The following EXT1 variants were observed in gnomAD, a reference collection of about 807,000 sequenced individuals.
EXT1 encodes the protein exostosin glycosyltransferase 1.
A neutral mutation model predicts 82.5 loss-of-function variants in EXT1; 20 were observed. The observed-to-expected ratio is 0.24, with a 90% CI of 0.17 to 0.35. The LOEUF (loss-of-function observed/expected upper bound fraction) is 0.35, where lower values mean the gene tolerates loss of function less well. EXT1 is among the 10% of genes least tolerant of loss of function. The pLI is 1.00. For synonymous variants in EXT1, 348 were observed against 350.8 expected (o/e 0.99, Z 0.09); for missense variants, 757 against 936.5 (o/e 0.81, Z 2.50).
At chr8:117,864,789 T>C (rs953302131) in intron 1 of EXT1, among the ~76,000 whole-genome samples, 6 of 149,328 alleles carry the variant, frequency 4.0e-5, no homozygotes, top group African/African-American at 1.5e-4. Flanking sequence ...AAAAATCTCA[T>C]AATGCTTCAG....
chr8:118,003,310 C>T (rs1007948428), intron 1 of EXT1, among the ~76,000 whole-genome samples: 1 of 151,938 alleles, frequency 6.6e-6, no homozygotes, highest in East Asian at 1.9e-4. Context: ...TTACACTGCT[C>T]GGATGACGGG....
intron 1 of EXT1, among the ~76,000 whole-genome samples, chr8:118,108,125 C>T (rs2130036670): frequency 6.6e-6 from 1 of 152,306 alleles, no homozygotes; most frequent in South Asian, 2.1e-4. Flanking sequence ...ACCAACCCCT[C>T]CCTTCATTGC....
Position 118,110,172 on chromosome 8 carries a change from A to C in EXT1, c.875T>G (p.Val292Gly). 6.2e-7 allele frequency: 1 copy of C among 1,614,146 alleles called. No homozygotes were observed. The highest frequency in any genetic ancestry group is 8.5e-7 in the Non-Finnish European group (1 of 1,180,012). The part of the protein sequence containing the change: ...ALYHVHNGED[V>G]VLLTTCKHGK... ...ATGCTTGCAGGTGGTGAGGAGCACA[A>C]CGTCCTCCCCGTTATGGACGTGATA... is the stretch of plus-strand genomic sequence containing the variant. Residue 292 changes from valine to glycine, a missense_variant, in exon 1 of 11, where the codon GTT becomes GGT. Around this residue, in one of 4 missense-constraint regions of EXT1, gnomAD observed 247 missense variants for 330.1 expected, o/e 0.75. Coordinates refer to ENST00000378204, the MANE Select transcript of EXT1 (RefSeq NM_000127.3).
chr8:117,881,552 T>C (rs10099089), intron 1 of EXT1, among the ~76,000 whole-genome samples: 3 of 152,048 alleles, frequency 2.0e-5, no homozygotes, highest in Non-Finnish European at 2.9e-5. Context: ...GCAACTTGAG[T>C]CAAGGGGTAA....
intron 10 of EXT1, 66 bp downstream of exon 10, chr8:117,804,656 G>A (rs1823211254): frequency 4.4e-6 from 7 of 1,573,290 alleles, no homozygotes; most frequent in African/African-American, 4.0e-5. Context: ...AGGAACGTGA[G>A]TCCTCATTAC....
At chr8:118,045,517 A>G (rs1816609256) in intron 1 of EXT1, among the ~76,000 whole-genome samples, 1 of 152,116 alleles carries the variant, frequency 6.6e-6, no homozygotes, top group South Asian at 2.1e-4. Flanking sequence ...AACAACATAG[A>G]ATGTGGCACT....
chr8:117,940,235 C>T (rs11562824), intron 1 of EXT1, among the ~76,000 whole-genome samples: 2,600 of 152,262 alleles, frequency 0.017, 68 homozygotes, highest in African/African-American at 0.057. Flanking sequence ...GGCTACCTGC[C>T]CAGGCTGACT....
At chr8:118,018,536 T>C (rs1816044322) in intron 1 of EXT1, among the ~76,000 whole-genome samples, 1 of 152,332 alleles carries the variant, frequency 6.6e-6, no homozygotes, top group Middle Eastern at 3.4e-3. Context: ...GTTTGGGTTA[T>C]TTAATCCACC....
intron 1 of EXT1, among the ~76,000 whole-genome samples, chr8:117,944,386 G>A (rs569909463): frequency 1.4e-4 from 21 of 151,232 alleles, no homozygotes; most frequent in African/African-American, 2.5e-4. Context: ...GCAACAGAGC[G>A]TCTCCAAAAA....
chr8:117,958,990 C>T (rs897230779), intron 1 of EXT1, among the ~76,000 whole-genome samples: 1 of 152,184 alleles, frequency 6.6e-6, no homozygotes, highest in Non-Finnish European at 1.5e-5. Context: ...CTGCACTGAT[C>T]CTAGTTACTT....
intron 1 of EXT1, among the ~76,000 whole-genome samples, chr8:117,914,043 T>G (rs897728943): frequency 2.0e-5 from 3 of 152,136 alleles, no homozygotes; most frequent in Non-Finnish European, 2.9e-5. Context: ...ACTTAACTTC[T>G]AAGGGTAGGG....
intron 4 of EXT1, among the ~76,000 whole-genome samples, chr8:117,823,731 T>C (rs1436051287): frequency 6.6e-6 from 1 of 152,166 alleles, no homozygotes; most frequent in Non-Finnish European, 1.5e-5. Flanking sequence ...ATGTTTATTT[T>C]CCTAATGACA....
intron 7 of EXT1, among the ~76,000 whole-genome samples, chr8:117,817,950 C>T (rs1475642323): frequency 6.6e-6 from 1 of 152,104 alleles, no homozygotes; most frequent in East Asian, 1.9e-4. Context: ...AGGCAGATGC[C>T]AAACAAAATT....
chr8:118,045,238 T>C (rs1816603286), intron 1 of EXT1, among the ~76,000 whole-genome samples: 1 of 152,190 alleles, frequency 6.6e-6, no homozygotes, highest in Non-Finnish European at 1.5e-5. Flanking sequence ...CTCAGGATAT[T>C]AGAAATATTT....
chr8:117,858,746 AAGGAAGGAAGGAAGGAAGGAAGGC>A (rs1432154744), intron 1 of EXT1, among the ~76,000 whole-genome samples: 2 of 59,926 alleles, frequency 3.3e-5, no homozygotes, highest in Admixed American at 1.7e-4. Flanking sequence ...GGAAGGAAGG[AAGGAAGGAAGGAAGGAAGGAAGGC>A]AGGCAGGCAG....
rs1815122961 is a variant in EXT1 at position 117,978,829 on chromosome 8, T to C, written c.962+131256A>G. On this transcript the variant is annotated intron_variant, in intron 1 of 10. Transcript: ENST00000378204. The stretch of plus-strand genomic sequence containing the variant: ...AGTTAACAACTACCTGTGGCGACAG[T>C]GTGCTGTACCACACTGATAATGCCA... 2.0e-5 allele frequency among the ~76,000 whole-genome samples: 3 copies of C among 152,220 alleles called. No homozygotes were observed. In the South Asian group the frequency reaches 6.2e-4, roughly 32 times the overall value.
chr8:117,886,720 G>A (rs1387446079), intron 1 of EXT1, among the ~76,000 whole-genome samples: 2 of 152,250 alleles, frequency 1.3e-5, no homozygotes, highest in South Asian at 2.1e-4. Context: ...CTGCCTGTTC[G>A]TCTCATTCCA....
intron 1 of EXT1, among the ~76,000 whole-genome samples, chr8:117,854,657 A>T (rs186464174): frequency 6.6e-6 from 1 of 152,232 alleles, no homozygotes; most frequent in Non-Finnish European, 1.5e-5. Flanking sequence ...TAACAGCCAC[A>T]CTGTTGAGAG....
At chr8:118,064,279 A>G (rs1405612542) in intron 1 of EXT1, among the ~76,000 whole-genome samples, 1 of 152,040 alleles carries the variant, frequency 6.6e-6, no homozygotes, top group African/African-American at 2.4e-5. Context: ...TGCTGTGCTC[A>G]TCAACCCATC....
Sources: gnomAD v4.1 joint callset for allele counts (sites outside exome capture counted in the v4.1 genomes callset) on GRCh38, gnomAD v4.1.1 for gene constraint, gnomAD v4.1.1 regional missense constraint, MANE v1.5 for transcripts, NCBI Gene and HGNC (gene_info 2026-07-23, HGNC 2026-07-21) for gene names.